CNGB3: variants seen among roughly 807,000 people sequenced by gnomAD.
CNGB3 encodes cyclic nucleotide-gated channel beta-3.
CNGB3 carries 86 observed loss-of-function variants against 92.8 expected under a neutral mutation model. That is an observed-to-expected ratio of 0.93 (90% CI 0.78 to 1.11). The LOEUF (loss-of-function observed/expected upper bound fraction) is 1.11. CNGB3 is among the 50% of genes least tolerant of loss of function. The pLI is 0.00. For synonymous variants in CNGB3, 333 were observed against 332.7 expected, an observed-to-expected ratio of 1.00 and a Z score of -0.01; for missense variants, 1,026 against 956.8, an observed-to-expected ratio of 1.07 and a Z score of -0.95.
At chr8:86,586,228 G>A (rs1821886383) in intron 15 of CNGB3, among the ~76,000 whole-genome samples, 1 of 152,154 alleles carries the variant, frequency 6.6e-6, no homozygotes, top group Non-Finnish European at 1.5e-5. Context: ...CCCTCAAGCT[G>A]TTTGTAATCT....
chr8:86,645,993 G>C (rs1823286779), intron 8 of CNGB3, among the ~76,000 whole-genome samples: 1 of 151,122 alleles, frequency 6.6e-6, no homozygotes, highest in Admixed American at 6.6e-5. Flanking sequence ...AATGTTGACT[G>C]TCAGGATCTC....
At chr8:86,693,446 T>TATTG (rs1297757935) in intron 3 of CNGB3, among the ~76,000 whole-genome samples, 2 of 149,492 alleles carry the variant, frequency 1.3e-5, no homozygotes, top group Non-Finnish European at 3.0e-5. Flanking sequence ...TTTATTTATT[T>TATTG]ATTTATTTAT....
chr8:86,691,906 AGGTTTTGATG>A (rs1824325613), intron 3 of CNGB3, among the ~76,000 whole-genome samples: 1 of 152,038 alleles, frequency 6.6e-6, no homozygotes, highest in Admixed American at 6.5e-5. Context: ...TGTATCCAAG[AGGTTTTGATG>A]GGTTATGTCA....
chr8:86,619,608 C>T (rs1000064213), intron 13 of CNGB3, among the ~76,000 whole-genome samples: 8 of 151,650 alleles, frequency 5.3e-5, no homozygotes, highest in African/African-American at 1.9e-4. Flanking sequence ...AAAAAACCTA[C>T]ATGAGATTCA....
At chr8:86,610,160 G>T (rs181353042) in intron 14 of CNGB3, among the ~76,000 whole-genome samples, 152 of 152,242 alleles carry the variant, frequency 1.0e-3, no homozygotes, top group African/African-American at 3.6e-3. Context: ...GTCACTGAGG[G>T]GTGGAGCCCA....
At chr8:86,734,667 T>C (rs918139717) in intron 2 of CNGB3, among the ~76,000 whole-genome samples, 2 of 152,168 alleles carry the variant, frequency 1.3e-5, no homozygotes, top group Admixed American at 1.3e-4. Flanking sequence ...AAAATTGAGA[T>C]CTTTCAAATT....
At chr8:86,588,412 G>A (rs1409597514) in intron 15 of CNGB3, among the ~76,000 whole-genome samples, 5 of 122,112 alleles carry the variant, frequency 4.1e-5, no homozygotes, top group South Asian at 3.0e-4. Flanking sequence ...TCCCTGTCTT[G>A]TGCCAGTTTT....
chr8:86,662,408 C>A (rs542660238), intron 6 of CNGB3, among the ~76,000 whole-genome samples: 1 of 152,110 alleles, frequency 6.6e-6, no homozygotes, highest in African/African-American at 2.4e-5. Flanking sequence ...GAAACTTATC[C>A]TCAGGTAAGA....
At chr8:86,615,711 T>C (rs890561891) in intron 13 of CNGB3, among the ~76,000 whole-genome samples, 22 of 152,126 alleles carry the variant, frequency 1.4e-4, no homozygotes, top group African/African-American at 5.3e-4. Flanking sequence ...ATATAGAATA[T>C]ATTCAGTATG....
intron 3 of CNGB3, among the ~76,000 whole-genome samples, chr8:86,698,331 G>T (rs1235164903): frequency 6.6e-6 from 1 of 152,164 alleles, no homozygotes; most frequent in Non-Finnish European, 1.5e-5. Context: ...ATCTACCTTT[G>T]TATGAATGTT....
intron 15 of CNGB3, among the ~76,000 whole-genome samples, chr8:86,602,702 A>G (rs1456453800): frequency 6.6e-6 from 1 of 152,186 alleles, no homozygotes; most frequent in African/African-American, 2.4e-5. Context: ...AGACACCATC[A>G]TCTTTCACTT....
At chr8:86,678,198 GA>G (rs990689295) in intron 3 of CNGB3, among the ~76,000 whole-genome samples, 5 of 151,890 alleles carry the variant, frequency 3.3e-5, no homozygotes, top group South Asian at 2.1e-4. Context: ...AGTTACATCT[GA>G]AAAAAAATCT....
chr8:86,637,345 T>G (rs1823091523), intron 10 of CNGB3, among the ~76,000 whole-genome samples: 1 of 152,214 alleles, frequency 6.6e-6, no homozygotes, highest in South Asian at 2.1e-4. Context: ...AGTTTCATAC[T>G]GTTTTGATTA....
chr8:86,690,166 T>C (rs994426357), intron 3 of CNGB3, among the ~76,000 whole-genome samples: 2 of 152,214 alleles, frequency 1.3e-5, no homozygotes, highest in Non-Finnish European at 2.9e-5. Flanking sequence ...TGAACTAGTT[T>C]ACAGTCCCAC....
At chr8:86,705,719 G>A (rs967216207) in intron 3 of CNGB3, among the ~76,000 whole-genome samples, 1 of 152,198 alleles carries the variant, frequency 6.6e-6, no homozygotes, top group Non-Finnish European at 1.5e-5. Context: ...TCCTTCTGGG[G>A]TGGAGCTGCA....
In CNGB3 at chr8:86,599,113, G is replaced by A. The variant is rs144585426; in HGVS notation, c.1781+4980C>T. ...CCGGCTGAAGCCATGGCAGAAGAAC[G>A]TGGATTGTGAAGATTTCATGGACAT... On this transcript the variant is annotated intron_variant, in intron 15 of 17. Transcript: ENST00000320005. Among the ~76,000 whole-genome samples, 1,057 of 152,280 alleles carry A rather than the reference G, an allele frequency of 6.9e-3. 7 individuals are homozygous for A. Among genetic ancestry groups the A allele is most frequent in the Non-Finnish European group, 9.6e-3 (656 of 68,012 alleles).
rs558612210 is a variant in CNGB3, at chr8:86,709,651, C to A, written c.338+16880G>T. On this transcript the variant is annotated intron_variant, in intron 3 of 17. Coordinates refer to ENST00000320005, the MANE Select transcript of CNGB3 (RefSeq NM_019098.5). ...TTAAGTTCTCAGTTTTATGTTTTAC[C>A]GCATTGTACAACAAACTGTCCTGAT... Among the ~76,000 whole-genome samples the A allele has an allele frequency of 6.4e-3, 978 of 151,918 alleles. 5 individuals carry two copies. The highest frequency in any genetic ancestry group is 0.02 in the Middle Eastern group (6 of 294).
At position 86,743,602 on chromosome 8, in the gene CNGB3, T is replaced by A. The variant is rs1244994789; in HGVS notation, c.26A>T (p.Asn9Ile). The change falls in exon 1 of 18, where the codon AAC becomes ATC. Residue 9 changes from asparagine (N) to isoleucine (I), a missense_variant. Asn to Ile is a moderately radical substitution (Grantham distance 149). Coordinates refer to ENST00000320005, the MANE Select transcript of CNGB3 (RefSeq NM_019098.5). MFKSLTKVNKVKPIGENNE... is the reference protein window; with the variant it reads MFKSLTKVIKVKPIGENNE... ...GTTCTCTCCTATAGGCTTCACCTTG[T>A]TGACTTTTGTCAGCGATTTAAACAT... 1 of 1,613,922 alleles carries A rather than the reference T, an allele frequency of 6.2e-7. No individual in the cohort carries two copies. The highest frequency in any genetic ancestry group is 2.2e-5 in the East Asian group (1 of 44,872).
At chr8:86,591,010 C>G (rs1200208346) in intron 15 of CNGB3, among the ~76,000 whole-genome samples, 1 of 152,104 alleles carries the variant, frequency 6.6e-6, no homozygotes, top group Non-Finnish European at 1.5e-5. Context: ...TTCACATAGT[C>G]CCATATTTCT....
Sources: gnomAD v4.1 joint callset for allele counts (sites outside exome capture counted in the v4.1 genomes callset) on GRCh38, gnomAD v4.1.1 for gene constraint, MANE v1.5 for transcripts, NCBI Gene and HGNC (gene_info 2026-07-23, HGNC 2026-07-21) for gene names.